The following VAX1 variants were observed in gnomAD, a reference collection of about 807,000 sequenced individuals.
VAX1 encodes ventral anterior homeobox 1.
VAX1 carries 6 observed loss-of-function variants against 17.6 expected under a neutral mutation model. That is an observed-to-expected ratio of 0.34 (90% confidence interval 0.19 to 0.67). The LOEUF (loss-of-function observed/expected upper bound fraction) is 0.67. VAX1 is among the 30% of genes least tolerant of loss of function. The pLI is 0.69. For synonymous variants in VAX1, 256 were observed against 227.4 expected (o/e 1.13, Z -1.13); for missense variants, 408 against 463.7 (o/e 0.88, Z 1.10).
At position 117,134,700 on chromosome 10, in the gene VAX1, C is replaced by T. The variant is rs1470625992; in HGVS notation, c.430-117G>A. ...TCTCCCCAAGTCCCAGCCCTATCCG[C>T]AGCCCCACCCAGCAGCCGGAGGGGT... On this transcript the variant is annotated intron_variant, in intron 2 of 2. Coordinates refer to ENST00000369206, the MANE Select transcript of VAX1 (RefSeq NM_001112704.2). The surrounding 1 kb of genome is among the most constrained non-coding windows in gnomAD (Gnocchi z 6.2). The T allele has an allele frequency of 1.7e-5, 18 of 1,054,884 alleles. No homozygotes were observed. Among genetic ancestry groups the T allele is most frequent in the Admixed American group, 3.9e-5 (1 of 25,370 alleles). 65.3% of individuals were successfully genotyped at this position (1,054,884 alleles called of 1,614,324 possible).
At position 117,133,656 on chromosome 10, in the gene VAX1, G is replaced by A; in HGVS notation, c.*352C>T. 2.0e-6 allele frequency: 2 copies of A among 1,012,940 alleles called. No homozygotes were observed. The highest frequency in any genetic ancestry group is 1.2e-6 in the Non-Finnish European group (1 of 848,626). 62.7% of individuals were successfully genotyped at this position (1,012,940 alleles called of 1,614,324 possible). On this transcript the variant is annotated 3_prime_UTR_variant, in exon 3 of 3. Transcript: ENST00000369206. ...AGCAGCCGCAGCAGCCGCGGATCTAGAGCAAACGTCCTGTGCTTTGGAGTT... is the reference window on the plus strand; with the variant it reads ...AGCAGCCGCAGCAGCCGCGGATCTAAAGCAAACGTCCTGTGCTTTGGAGTT...
At chr10:117,131,023 G>GTT (rs1854076413), downstream of VAX1, 1 of 152,638 alleles carries the variant, frequency 6.6e-6, no homozygotes, top group Non-Finnish European at 1.5e-5. Context: ...GTTCCAAAAA[G>GTT]TTATGCCACC....
At position 117,133,932 on chromosome 10, in the gene VAX1, G is replaced by C. The variant is rs1854127321; in HGVS notation, c.*76C>G. 3 of 1,441,452 alleles carry C rather than the reference G, an allele frequency of 2.1e-6. No individual in the cohort carries two copies. Among genetic ancestry groups the C allele is most frequent in the Admixed American group, 3.4e-5 (1 of 28,986 alleles). 89.3% of individuals were successfully genotyped at this position (1,441,452 alleles called of 1,614,324 possible). Reference sequence around the variant, plus strand: ...CCAGGAGCCCAGCGCAGGAGCTCTGGGCACCTAATGCGCGTGAGTCCATAA... The same window carrying C: ...CCAGGAGCCCAGCGCAGGAGCTCTGCGCACCTAATGCGCGTGAGTCCATAA... On this transcript the variant is annotated 3_prime_UTR_variant, in exon 3 of 3. Coordinates refer to ENST00000369206, the MANE Select transcript of VAX1 (RefSeq NM_001112704.2).
rs1854201184 is a variant in VAX1 at position 117,137,459 on chromosome 10, G to C, written c.241+357C>G. Among the ~76,000 whole-genome samples, 1 of 152,214 alleles carries C rather than the reference G, an allele frequency of 6.6e-6. No individual in the cohort carries two copies. Among genetic ancestry groups the C allele is most frequent in the Non-Finnish European group, 1.5e-5 (1 of 68,024 alleles). ...TCCAGAGCGCGGGAGTCCCCTGGCC[G>C]GCTCCCGGCAGGTCGTCCGGCCCTT... On this transcript the variant is annotated intron_variant, in intron 1 of 2. Coordinates refer to ENST00000369206, the MANE Select transcript of VAX1 (RefSeq NM_001112704.2). This position sits in a 1 kb window ranked among gnomAD's most constrained non-coding sequence, Gnocchi z 7.4.
At chr10:117,132,384 C>T (rs372733330), downstream of VAX1, 1,119 of 1,610,654 alleles carry the variant, frequency 6.9e-4, 2 homozygotes, top group Middle Eastern at 0.011. This position sits in a 1 kb window ranked among gnomAD's most constrained non-coding sequence, Gnocchi z 4.9. Context: ...TACAAAACAT[C>T]CAAATATCCA....
At chr10:117,130,608 G>T (rs1393923047), downstream of VAX1, 2 of 152,220 alleles carry the variant, frequency 1.3e-5, no homozygotes, top group African/African-American at 4.8e-5. Context: ...TGAGTCTCCA[G>T]TTGGAAGCCA....
rs1319671366 is a variant in VAX1, at chr10:117,137,395, T to G, written c.241+421A>C. Among the ~76,000 whole-genome samples, 2 of 152,146 alleles carry G rather than the reference T, an allele frequency of 1.3e-5. No homozygotes were observed. The highest frequency in any genetic ancestry group is 1.3e-4 in the Admixed American group (2 of 15,292). ...GCCGTAGCCCGCGATCGGCAGCTGT[T>G]CTCCGGGGCTCGCGTTCCCCCTTGG... On this transcript the variant is annotated intron_variant, in intron 1 of 2. Coordinates refer to ENST00000369206, the MANE Select transcript of VAX1 (RefSeq NM_001112704.2). The surrounding 1 kb of genome is among the most constrained non-coding windows in gnomAD (Gnocchi z 7.4).
rs1422217059 is a variant in VAX1, at chr10:117,138,107, A to G, written c.-51T>C. 1 of 230,246 alleles carries G rather than the reference A, an allele frequency of 4.3e-6. No homozygotes were observed. Among genetic ancestry groups the G allele is most frequent in the Non-Finnish European group, 7.7e-6 (1 of 129,938 alleles). The allele number at this position is 230,246 out of a possible 1,614,324, so 14.3% of individuals were successfully genotyped here. ...AAGGAAAAAAAAAGCAAAAAAAAAA[A>G]AAAGGGGGGGGGGCGGAGAAGGAAA... On this transcript the variant is annotated 5_prime_UTR_variant, in exon 1 of 3. Coordinates refer to ENST00000369206, the MANE Select transcript of VAX1 (RefSeq NM_001112704.2).
rs1338943845 is a variant in VAX1, at chr10:117,137,072, A to AC, written c.242-414dup. On this transcript the variant is annotated intron_variant, in intron 1 of 2. Transcript: ENST00000369206. This position sits in a 1 kb window ranked among gnomAD's most constrained non-coding sequence, Gnocchi z 7.4. ...ACCAGACCGTGATCCAGACGTCCCC[A>AC]CCCCCACCCTCGAGTCTCCTTCCCT... 1.6e-5 allele frequency among the ~76,000 whole-genome samples: 2 copies of AC among 128,624 alleles called. No homozygotes were observed. The highest frequency in any genetic ancestry group is 2.9e-5 in the African/African-American group (1 of 34,808). 84.4% of individuals were successfully genotyped at this position (128,624 alleles called of 152,430 possible).
downstream of VAX1, chr10:117,130,653 C>A (rs924735386): frequency 1.3e-5 from 2 of 152,108 alleles, no homozygotes; most frequent in Non-Finnish European, 2.9e-5. Flanking sequence ...TTACTGGAGG[C>A]CCTTGGGGAA....
rs982463942 is a variant in VAX1 at position 117,137,287 on chromosome 10, A to G, written c.241+529T>C. On this transcript the variant is annotated intron_variant, in intron 1 of 2. Coordinates refer to ENST00000369206, the MANE Select transcript of VAX1 (RefSeq NM_001112704.2). This position sits in a 1 kb window ranked among gnomAD's most constrained non-coding sequence, Gnocchi z 7.4. ...AAGCGGCAACCGCGGCTCCGTAACC[A>G]AGCCCAGCTGCCTCTCCCGGCGGCA... Among the ~76,000 whole-genome samples, 5 of 151,934 alleles carry G rather than the reference A, an allele frequency of 3.3e-5. No individual in the cohort carries two copies. The highest frequency in any genetic ancestry group is 3.3e-4 in the Admixed American group (5 of 15,284).
chr10:117,133,626 G>A lies in VAX1; in HGVS notation c.*382C>T. On this transcript the variant is annotated 3_prime_UTR_variant, in exon 3 of 3. Transcript: ENST00000369206. ...CAAATATTCCTAGGAATAGTCGGCAGCGGCAGCAGCCGCAGCAGCCGCGGA... is the reference window on the plus strand; with the variant it reads ...CAAATATTCCTAGGAATAGTCGGCAACGGCAGCAGCCGCAGCAGCCGCGGA... The A allele has an allele frequency of 1.0e-6, 1 of 995,008 alleles. No homozygotes were observed. Among genetic ancestry groups the A allele is most frequent in the Non-Finnish European group, 1.2e-6 (1 of 836,650 alleles). The allele number at this position is 995,008 out of a possible 1,614,324, so 61.6% of individuals were successfully genotyped here.
At position 117,137,818 on chromosome 10, in the gene VAX1, C is replaced by T. The variant is rs1176473736; in HGVS notation, c.239G>A (p.Arg80Gln). 1 of 1,612,098 alleles carries T rather than the reference C, an allele frequency of 6.2e-7. No individual in the cohort carries two copies. The highest frequency in any genetic ancestry group is 8.5e-7 in the Non-Finnish European group (1 of 1,179,926). The stretch of plus-strand genomic sequence containing the variant: ...CTGGCAGCCCTGCCCATCCCTACCT[C>T]GGACCAGGATCCGGCGGCAGTAATC... ...DPDYCRRILV[R>Q]DAKGSIREII... Residue 80 changes from arginine to glutamine, a missense_variant and splice_region_variant, in exon 1 of 3, where the codon CGA becomes CAA. By Grantham distance (43) the Arg-to-Gln change is conservative. Around this residue, in one of 4 missense-constraint regions of VAX1, gnomAD observed 133 missense variants for 112.0 expected, o/e 1.19. Transcript: ENST00000369206. This position sits in a 1 kb window ranked among gnomAD's most constrained non-coding sequence, Gnocchi z 7.4.
Position 117,133,795 on chromosome 10 carries a change from G to A in VAX1, c.*213C>T. 1.5e-6 allele frequency: 2 copies of A among 1,319,558 alleles called. No homozygotes were observed. The highest frequency in any genetic ancestry group is 1.9e-6 in the Non-Finnish European group (2 of 1,043,256). 81.7% of individuals were successfully genotyped at this position (1,319,558 alleles called of 1,614,324 possible). On this transcript the variant is annotated 3_prime_UTR_variant, in exon 3 of 3. Transcript: ENST00000369206. ...TCCTGGATTCAGAAGGAAGTTGGGG[G>A]TTGGGGAGGAATCTCAGAGGAAAGG...
chr10:117,134,132 G>C lies in VAX1; in HGVS notation c.881C>G (p.Thr294Arg). The C allele has an allele frequency of 6.5e-7, 1 of 1,536,278 alleles. No homozygotes were observed. Among genetic ancestry groups the C allele is most frequent in the Non-Finnish European group, 8.8e-7 (1 of 1,140,632 alleles). ...VASRLSSAPLTMAGSLAGNLQ... is the reference protein window; with the variant it reads ...VASRLSSAPLRMAGSLAGNLQ... ...ATTCCCAGCTAGCGAACCAGCCATTGTTAACGGGGCGGAGGACAGGCGGCT... is the reference window on the plus strand; with the variant it reads ...ATTCCCAGCTAGCGAACCAGCCATTCTTAACGGGGCGGAGGACAGGCGGCT... The change falls in exon 3 of 3, where the codon ACA becomes AGA. Residue 294 changes from threonine to arginine, a missense_variant. Thr to Arg is a moderately conservative substitution (Grantham distance 71). Transcript: ENST00000369206. The surrounding 1 kb of genome is among the most constrained non-coding windows in gnomAD (Gnocchi z 6.2).
chr10:117,133,070 C>T (rs530590467), downstream of VAX1, among the ~76,000 whole-genome samples: 5 of 152,190 alleles, frequency 3.3e-5, no homozygotes, highest in African/African-American at 9.6e-5. Context: ...GGGAAGCTGT[C>T]GGCCACCGCC....
downstream of VAX1, chr10:117,132,287 CTTTTG>C (rs778991689): frequency 3.7e-6 from 6 of 1,613,982 alleles, no homozygotes; most frequent in African/African-American, 8.0e-5. This position sits in a 1 kb window ranked among gnomAD's most constrained non-coding sequence, Gnocchi z 4.9. Context: ...TCCTTTTCTT[CTTTTG>C]TTTTTTTATC....
rs1291423518 is a variant in VAX1 at position 117,133,774 on chromosome 10, G to C, written c.*234C>G. 9 of 1,297,190 alleles carry C rather than the reference G, an allele frequency of 6.9e-6. No individual in the cohort carries two copies. The highest frequency in any genetic ancestry group is 7.8e-6 in the Non-Finnish European group (8 of 1,029,686). The allele number at this position is 1,297,190 out of a possible 1,614,324, so 80.4% of individuals were successfully genotyped here. A position where few individuals can be genotyped will look rare whatever the true frequency, so the allele number is the denominator to read the frequency against. On this transcript the variant is annotated 3_prime_UTR_variant, in exon 3 of 3. Transcript: ENST00000369206. ...TTTCCCAATTCTTTGGATCGCTCCT[G>C]GATTCAGAAGGAAGTTGGGGGTTGG...
downstream of VAX1, chr10:117,129,647 G>GGTGTGTGTGT (rs60617895): frequency 0.15 from 22,339 of 146,368 alleles, 1,764 homozygotes; most frequent in East Asian, 0.27. Flanking sequence ...TTCAAGAAGG[G>GGTGTGTGTGT]GTGTGTGTGT....
Sources: gnomAD v4.1 joint callset for allele counts (sites outside exome capture counted in the v4.1 genomes callset) on GRCh38, gnomAD v4.1.1 for gene constraint, gnomAD v4.1.1 regional missense constraint, Gnocchi (gnomAD v3.1) non-coding constraint, MANE v1.5 for transcripts, NCBI Gene and HGNC (gene_info 2026-07-23, HGNC 2026-07-21) for gene names.